ING5: variants seen among roughly 807,000 people sequenced by gnomAD.
The protein encoded by ING5 is inhibitor of growth family member 5, also known as inhibitor of growth protein 5.
Under a neutral mutation model 37.4 loss-of-function variants are expected in ING5, and 17 were observed. The observed-to-expected ratio is 0.45, with a 90% CI of 0.31 to 0.68. The LOEUF is 0.68. ING5 is among the 30% of genes least tolerant of loss of function. The pLI, the probability that ING5 is intolerant of heterozygous loss-of-function variation, is 0.05. For missense variants in ING5, 233 were observed against 311.9 expected (o/e 0.75, Z 1.91); for synonymous variants, 123 against 116.6 (o/e 1.06, Z -0.36).
chr2:241,705,927 A>G (rs2069897992), intron 2 of ING5, among the ~76,000 whole-genome samples: 1 of 151,848 alleles, frequency 6.6e-6, no homozygotes, highest in Non-Finnish European at 1.5e-5. Context: ...GCAGCTGTGT[A>G]GGTACTTTAA....
intron 6 of ING5, 25 bp downstream of exon 6, chr2:241,723,099 G>C: frequency 6.2e-7 from 1 of 1,614,206 alleles, no homozygotes; most frequent in Non-Finnish European, 8.5e-7. Context: ...CAGGATTCGC[G>C]CCATGGGGCG....
rs1438135287 is a variant in ING5, at chr2:241,704,720, G to A, written c.105G>A (p.Thr35=). 8 of 1,613,192 alleles carry A rather than the reference G, an allele frequency of 5.0e-6. No individual in the cohort carries two copies. Among genetic ancestry groups the A allele is most frequent in the Non-Finnish European group, 6.8e-6 (8 of 1,179,252 alleles). ...TGATGCGAGAGCTGGACCAGAGGAC[G>A]GAAGGTGGGTTCAGACCTCTCCATA... ...FQLMRELDQR[T]EDKKAEIDIL... Residue 35 remains threonine, a synonymous_variant, in exon 2 of 8, where the codon ACG becomes ACA. Coordinates refer to ENST00000313552, the MANE Select transcript of ING5 (RefSeq NM_032329.6).
At chr2:241,719,727 C>A in intron 5 of ING5, 1 of 1,473,008 alleles carries the variant, frequency 6.8e-7, no homozygotes, top group Non-Finnish European at 8.9e-7. Context: ...GCTTCAGAGA[C>A]CTCAGGAACA....
At chr2:241,687,157 G>A (rs879530696) in exon 1 of ING5, 15 of 391,198 alleles carry the variant, frequency 3.8e-5, no homozygotes, top group Non-Finnish European at 5.4e-5. Context: ...AGGGGCTCCC[G>A]GACGCTGCCC....
chr2:241,698,993 G>A (rs929917866), upstream of ING5, among the ~76,000 whole-genome samples: 1 of 149,660 alleles, frequency 6.7e-6, no homozygotes, highest in Non-Finnish European at 1.5e-5. Context: ...CTCCCAAAGT[G>A]CTGGGATTAC....
At chr2:241,724,492 G>A in intron 7 of ING5, 1 of 167,008 alleles carries the variant, frequency 6.0e-6, no homozygotes, top group Non-Finnish European at 1.3e-5. Flanking sequence ...GTGGTCAGCA[G>A]CTGCCTCTGT....
chr2:241,719,135 C>T (rs1473298480), intron 5 of ING5, among the ~76,000 whole-genome samples: 1 of 152,244 alleles, frequency 6.6e-6, no homozygotes, highest in Non-Finnish European at 1.5e-5. Context: ...GCGGCTTCCA[C>T]AGTTGGTAGA....
rs532469717 is a variant in ING5, at chr2:241,725,326, C to T, written c.*295C>T. 41 of 415,270 alleles carry T rather than the reference C, an allele frequency of 9.9e-5. No homozygotes were observed. Among genetic ancestry groups the T allele is most frequent in the South Asian group, 9.0e-4 (38 of 42,300 alleles). The allele number at this position is 415,270 out of a possible 1,614,324, so 25.7% of individuals were successfully genotyped here. On this transcript the variant is annotated 3_prime_UTR_variant, in exon 8 of 8. Coordinates refer to ENST00000313552, the MANE Select transcript of ING5 (RefSeq NM_032329.6). ...CGCGCGTGAGCTCGGGCTGCCCGGC[C>T]GGGCGTGCGGGCGGGGACATGGTAA...
chr2:241,697,885 C>T (rs138541290), upstream of ING5, among the ~76,000 whole-genome samples: 1 of 151,832 alleles, frequency 6.6e-6, no homozygotes, highest in Non-Finnish European at 1.5e-5. Context: ...GAGTTTGAAA[C>T]CAGCCTGGCC....
intron 5 of ING5, among the ~76,000 whole-genome samples, chr2:241,718,385 C>G (rs1460482210): frequency 7.2e-6 from 1 of 139,736 alleles, no homozygotes; most frequent in East Asian, 2.2e-4. Flanking sequence ...CCCTCCCTCC[C>G]TTCCTTCCTT....
intron 2 of ING5, among the ~76,000 whole-genome samples, chr2:241,696,382 C>T (rs955419684): frequency 6.6e-6 from 1 of 151,730 alleles, no homozygotes; most frequent in African/African-American, 2.4e-5. Context: ...CAGTGCAAGA[C>T]TCCATCTCAA....
chr2:241,693,188 G>A (rs1457076417), intron 2 of ING5, among the ~76,000 whole-genome samples: 2 of 151,182 alleles, frequency 1.3e-5, no homozygotes, highest in Non-Finnish European at 2.9e-5. Flanking sequence ...GAACCCAGGA[G>A]GCGGAGGTTG....
upstream of ING5, chr2:241,687,083 G>A (rs7596968): frequency 6.8e-4 from 267 of 394,752 alleles, no homozygotes; most frequent in East Asian, 3.5e-3. Flanking sequence ...GGGAGGTGAC[G>A]CGGCGCGGGC....
chr2:241,697,039 G>A (rs1475249360), upstream of ING5, among the ~76,000 whole-genome samples: 1 of 151,990 alleles, frequency 6.6e-6, no homozygotes, highest in Non-Finnish European at 1.5e-5. Flanking sequence ...CCGAGATTGC[G>A]CCACGGCACT....
intron 2 of ING5, 117 bp from the exon 3 acceptor site, chr2:241,709,099 C>A: frequency 9.1e-7 from 1 of 1,095,746 alleles, no homozygotes; most frequent in Non-Finnish European, 1.3e-6. Context: ...AGCGTGAGTT[C>A]ATGTCAGCCT....
chr2:241,704,589 C>A (rs1575122360), intron 1 of ING5, 64 bp from the exon 2 acceptor site: 3 of 1,331,624 alleles, frequency 2.3e-6, no homozygotes, highest in African/African-American at 1.4e-5. Flanking sequence ...GACAGAAAAC[C>A]TTTGGAGGTG....
Position 241,724,318 on chromosome 2 carries a change from G to A in ING5, c.681-671G>A, listed in dbSNP as rs188625267. On this transcript the variant is annotated intron_variant, in intron 7 of 7. Transcript: ENST00000313552. The stretch of plus-strand genomic sequence containing the variant: ...GACACATGGCACTGTGGTGCCCCAC[G>A]CCGTGCGGCTGGGGGATGGTGCACC... Among the ~76,000 whole-genome samples, 202 of 152,332 alleles carry A rather than the reference G, an allele frequency of 1.3e-3. 2 individuals are homozygous for A. Among genetic ancestry groups the A allele is most frequent in the African/African-American group, 4.5e-3 (189 of 41,590 alleles).
chr2:241,702,925 G>T (rs532556873), intron 1 of ING5, among the ~76,000 whole-genome samples: 1 of 152,210 alleles, frequency 6.6e-6, no homozygotes, highest in South Asian at 2.1e-4. Flanking sequence ...GGGCCCTTGT[G>T]GGGGCGCTGC....
intron 5 of ING5, among the ~76,000 whole-genome samples, chr2:241,714,683 C>T (rs2070214777): frequency 6.6e-6 from 1 of 151,920 alleles, no homozygotes; most frequent in Non-Finnish European, 1.5e-5. Context: ...CTGCAGCCTC[C>T]ACCTCCCTGT....
Sources: gnomAD v4.1 joint callset for allele counts (sites outside exome capture counted in the v4.1 genomes callset) on GRCh38, gnomAD v4.1.1 for gene constraint, MANE v1.5 for transcripts, NCBI Gene and HGNC (gene_info 2026-07-23, HGNC 2026-07-21) for gene names.